GRIA4: variants seen among roughly 807,000 people sequenced by gnomAD.
GRIA4 encodes the protein glutamate ionotropic receptor AMPA type subunit 4.
Under a neutral mutation model 104.0 loss-of-function variants are expected in GRIA4, and 34 were observed. The observed-to-expected ratio is 0.33, with a 90% CI of 0.25 to 0.44. GRIA4 has a LOEUF of 0.44. Among genes scored for constraint, GRIA4 ranks in the 20% least tolerant of loss-of-function variants. The probability of loss-of-function intolerance (pLI) is 1.00; values close to 1 mark genes in which losing one functional copy is unlikely to be tolerated. For synonymous variants in GRIA4, 386 were observed against 381.9 expected (o/e 1.01, Z -0.13); for missense variants, 750 against 1,096.5 (o/e 0.68, Z 4.46).
intron 3 of GRIA4, among the ~76,000 whole-genome samples, chr11:105,714,254 CAA>C (rs150688023): frequency 0.54 from 80,353 of 148,704 alleles, 21,481 homozygotes; most frequent in Admixed American, 0.62. Flanking sequence ...TTTTGAAAAA[CAA>C]AAAAAAAAAT....
chr11:105,617,133 A>G (rs1950620595), intron 3 of GRIA4, among the ~76,000 whole-genome samples: 1 of 149,694 alleles, frequency 6.7e-6, no homozygotes, highest in African/African-American at 2.4e-5. Context: ...ATATGATTAT[A>G]TATATAAAAT....
Position 105,888,271 on chromosome 11 carries a change from C to CTTTTTTTTTTTT in GRIA4, c.726+718_726+729dup. Among the ~76,000 whole-genome samples, 77 of 54,576 alleles carry CTTTTTTTTTTTT rather than the reference C, an allele frequency of 1.4e-3. 18 individuals carry two copies. The highest frequency in any genetic ancestry group is 2.6e-3 in the African/African-American group (32 of 12,526). The allele number at this position is 54,576 out of a possible 152,430, so 35.8% of individuals were successfully genotyped here. Reference sequence around the variant, plus strand: ...TTGGAGAAGTTAAGGATGTTTTCTCCTTTTTTTTTTTTTTTTTTTTTTTTT... The same window carrying CTTTTTTTTTTTT: ...TTGGAGAAGTTAAGGATGTTTTCTCCTTTTTTTTTTTTTTTTTTTTTTTTTTTTTTTTTTTTT... On this transcript the variant is annotated intron_variant, in intron 6 of 16. Transcript: ENST00000282499.
At chr11:105,794,945 T>C (rs1251254161) in intron 4 of GRIA4, among the ~76,000 whole-genome samples, 1 of 152,090 alleles carries the variant, frequency 6.6e-6, no homozygotes, top group East Asian at 1.9e-4. Flanking sequence ...GTTGCACACA[T>C]CTGAGAAGAC....
chr11:105,974,652 A>C, intron 16 of GRIA4: 1 of 1,220,968 alleles, frequency 8.2e-7, no homozygotes, highest in Non-Finnish European at 1.1e-6. Flanking sequence ...CTTGCTTCTA[A>C]TTAGAGCTTT....
chr11:105,868,892 G>T (rs1267419899), intron 5 of GRIA4, among the ~76,000 whole-genome samples: 1 of 152,096 alleles, frequency 6.6e-6, no homozygotes, highest in Non-Finnish European at 1.5e-5. Flanking sequence ...GAAGAAACTC[G>T]AAAGATGTGA....
intron 3 of GRIA4, among the ~76,000 whole-genome samples, chr11:105,616,342 A>G (rs1950599959): frequency 6.6e-6 from 1 of 151,632 alleles, no homozygotes; most frequent in African/African-American, 2.4e-5. Flanking sequence ...TTAAATATTA[A>G]TTCTGTGTGG....
intron 14 of GRIA4, among the ~76,000 whole-genome samples, chr11:105,935,715 T>C (rs1948014895): frequency 1.3e-5 from 2 of 152,168 alleles, no homozygotes. Flanking sequence ...CTCTGTCTTG[T>C]GTCTACTGAT....
At chr11:105,779,638 A>G (rs1251435373) in intron 4 of GRIA4, among the ~76,000 whole-genome samples, 1 of 151,834 alleles carries the variant, frequency 6.6e-6, no homozygotes, top group Non-Finnish European at 1.5e-5. Flanking sequence ...AGTATAATAA[A>G]AAAAAAAACA....
At chr11:105,834,712 C>CTTTT (rs5794429) in intron 4 of GRIA4, among the ~76,000 whole-genome samples, 14 of 131,610 alleles carry the variant, frequency 1.1e-4, no homozygotes, top group South Asian at 2.5e-4. Flanking sequence ...TACAAAAAGA[C>CTTTT]TTTTTTTTTT....
chr11:105,848,594 C>G (rs1944681251), intron 4 of GRIA4, among the ~76,000 whole-genome samples: 1 of 152,158 alleles, frequency 6.6e-6, no homozygotes, highest in African/African-American at 2.4e-5. Flanking sequence ...CAAACATATA[C>G]TGCTTTGAGC....
chr11:105,740,021 T>G (rs1939208653), intron 3 of GRIA4, among the ~76,000 whole-genome samples: 1 of 152,162 alleles, frequency 6.6e-6, no homozygotes, highest in African/African-American at 2.4e-5. Flanking sequence ...CATTGCCAGA[T>G]GCACTGACAA....
chr11:105,747,189 C>T (rs1939710943), intron 3 of GRIA4, among the ~76,000 whole-genome samples: 1 of 152,080 alleles, frequency 6.6e-6, no homozygotes, highest in African/African-American at 2.4e-5. Context: ...CTTACAAAAA[C>T]ATATTGGAAT....
chr11:105,978,479 T>G (rs987432249), intron 16 of GRIA4, among the ~76,000 whole-genome samples: 3 of 152,148 alleles, frequency 2.0e-5, no homozygotes, highest in African/African-American at 7.2e-5. Flanking sequence ...ACTTCAACTT[T>G]CTGAAGTTTT....
intron 5 of GRIA4, among the ~76,000 whole-genome samples, chr11:105,871,320 T>C (rs1945605221): frequency 6.6e-6 from 1 of 151,988 alleles, no homozygotes; most frequent in South Asian, 2.1e-4. Flanking sequence ...CTAGTCAATA[T>C]GAATAATAGC....
chr11:105,611,492 G>T (rs1158925050), intron 2 of GRIA4, among the ~76,000 whole-genome samples: 1 of 152,000 alleles, frequency 6.6e-6, no homozygotes, highest in African/African-American at 2.4e-5. Flanking sequence ...TCTGGACGCC[G>T]CAGCTTTCTT....
chr11:105,767,550 T>TA (rs1941005901), intron 4 of GRIA4, among the ~76,000 whole-genome samples: 3 of 152,034 alleles, frequency 2.0e-5, no homozygotes, highest in South Asian at 4.1e-4. Flanking sequence ...CAAACTGAAA[T>TA]AAAAAACTAT....
At chr11:105,837,756 C>A (rs886444532) in intron 4 of GRIA4, among the ~76,000 whole-genome samples, 2 of 151,926 alleles carry the variant, frequency 1.3e-5, no homozygotes, top group African/African-American at 4.8e-5. Flanking sequence ...TTTAAAAATT[C>A]TATTATTATA....
chr11:105,946,240 C>G (rs1375375256), intron 14 of GRIA4, among the ~76,000 whole-genome samples: 3 of 152,084 alleles, frequency 2.0e-5, no homozygotes, highest in African/African-American at 7.2e-5. Context: ...TTGGTATTCT[C>G]TTTCAAATTG....
chr11:105,898,398 G>C lies in GRIA4; in HGVS notation c.856G>C (p.Glu286Gln). 1 of 1,592,672 alleles carries C rather than the reference G, an allele frequency of 6.3e-7. No individual in the cohort carries two copies. The highest frequency in any genetic ancestry group is 8.6e-7 in the Non-Finnish European group (1 of 1,161,182). ...TCGCTGGAAGAAACTAGATCAGAGA[G>C]AGTATCCAGGATCTGAGACTCCTCC... ...MDRWKKLDQR[E>Q]YPGSETPPKY... The change falls in exon 7 of 17, where the codon GAG becomes CAG. Residue 286 changes from glutamate to glutamine, a missense_variant. This residue lies in a region of GRIA4 where 410 missense variants were observed against 502.7 expected (regional missense o/e 0.82). Coordinates refer to ENST00000282499, the MANE Select transcript of GRIA4 (RefSeq NM_000829.4).
Sources: allele counts gnomAD v4.1 joint callset (sites outside exome capture counted in the v4.1 genomes callset), GRCh38; gene constraint gnomAD v4.1.1; regional missense constraint gnomAD v4.1.1; transcripts MANE v1.5; gene names NCBI Gene and HGNC (gene_info 2026-07-23, HGNC 2026-07-21).